Variants in SLC27A1 observed in about 807,000 individuals in gnomAD.
SLC27A1 encodes long-chain fatty acid transport protein 1.
A neutral mutation model predicts 62.2 loss-of-function variants in SLC27A1; 61 were observed. The ratio of observed to expected loss-of-function variants is 0.98; its 90% CI spans 0.80 to 1.21. The LOEUF is 1.21. Ranked by LOEUF, SLC27A1 falls within the 50% of genes most tolerant of loss-of-function variation. The pLI is 0.00. For synonymous variants in SLC27A1, 435 were observed against 408.6 expected (o/e 1.06, Z -0.78); for missense variants, 903 against 932.1 (o/e 0.97, Z 0.41).
chr19:17,500,768 G>C lies in SLC27A1; in HGVS notation c.1528G>C (p.Asp510His). 1 of 1,613,482 alleles carries C rather than the reference G, an allele frequency of 6.2e-7. No individual in the cohort carries two copies. Among genetic ancestry groups the C allele is most frequent in the African/African-American group, 1.3e-5 (1 of 75,046 alleles). Residue 510 changes from aspartate to histidine, a missense_variant, in exon 10 of 12, where the codon GAC (aspartate) becomes CAC (histidine). Physicochemically the swap from Asp to His is moderately conservative, Grantham distance 81. Coordinates refer to ENST00000252595, the MANE Select transcript of SLC27A1 (RefSeq NM_198580.3). ...CATGTACTTCCGGGACCGTAGCGGG[G>C]ACACCTTCCGCTGGCGAGGGGAGAA... Reference protein sequence around the residue: ...GYMYFRDRSGDTFRWRGENVS... With the variant: ...GYMYFRDRSGHTFRWRGENVS...
At chr19:17,485,029 AC>A (rs1424073782) in intron 1 of SLC27A1, among the ~76,000 whole-genome samples, 1 of 152,076 alleles carries the variant, frequency 6.6e-6, no homozygotes, top group Non-Finnish European at 1.5e-5. Context: ...TTACCCCAGT[AC>A]AAGGTTATTG....
chr19:17,501,539 C>A, intron 11 of SLC27A1, 120 bp downstream of exon 11: 1 of 1,388,814 alleles, frequency 7.2e-7, no homozygotes, highest in Non-Finnish European at 9.7e-7. Flanking sequence ...CACGGTGGCT[C>A]ACGCCTGTAA....
Position 17,486,488 on chromosome 19 carries a change from C to T in SLC27A1, c.168-75C>T. The stretch of plus-strand genomic sequence containing the variant: ...CCCTGGCTGCCCTGGGGTCCTCCAG[C>T]GGGGAGGCTGAGGCTCCCAGAGGCC... On this transcript the variant is annotated intron_variant, in intron 1 of 11. Transcript: ENST00000252595. This position sits in a 1 kb window ranked among gnomAD's most constrained non-coding sequence, Gnocchi z 6.6. The T allele has an allele frequency of 2.0e-6, 3 of 1,469,000 alleles. No individual in the cohort carries two copies. The highest frequency in any genetic ancestry group is 1.3e-5 in the South Asian group (1 of 75,160). The allele number at this position is 1,469,000 out of a possible 1,614,324, so 91.0% of individuals were successfully genotyped here.
intron 1 of SLC27A1, among the ~76,000 whole-genome samples, chr19:17,483,298 C>G (rs1048684695): frequency 6.6e-6 from 1 of 152,110 alleles, no homozygotes; most frequent in African/African-American, 2.4e-5. Context: ...TGACCAAGTG[C>G]GGCCCCATTT....
Position 17,487,473 on chromosome 19 carries a change from C to T in SLC27A1, c.738C>T (p.Tyr246=), listed in dbSNP as rs2075248349. The change falls in exon 4 of 12, where the codon TAC becomes TAT. Residue 246 remains tyrosine (Y), a synonymous_variant. Transcript: ENST00000252595. ...PSKGMDDRLF[Y]IYTSGTTGLP... is the part of the protein sequence containing the mutation. ...TATCTCCTGCAGATCGTCTTTTCTACATCTACACGTCGGGGACCACCGGGC... is the reference window on the plus strand; with the variant it reads ...TATCTCCTGCAGATCGTCTTTTCTATATCTACACGTCGGGGACCACCGGGC... The T allele has an allele frequency of 1.3e-6, 2 of 1,582,482 alleles. No individual in the cohort carries two copies. Among genetic ancestry groups the T allele is most frequent in the South Asian group, 2.2e-5 (2 of 90,158 alleles).
Position 17,497,399 on chromosome 19 carries a change from C to T in SLC27A1, c.1141C>T (p.Arg381Cys). Residue 381 changes from arginine (R) to cysteine (C), a missense_variant, in exon 7 of 12, where the codon CGC becomes TGC. Coordinates refer to ENST00000252595, the MANE Select transcript of SLC27A1 (RefSeq NM_198580.3). ...GGAGTTCACGGAGCGCTTCGGCGTA[C>T]GCCAAATCGGGGAGTTCTACGGCGC... ...WEEFTERFGVRQIGEFYGATE... is the reference protein window; with the variant it reads ...WEEFTERFGVCQIGEFYGATE... 4 of 1,605,318 alleles carry T rather than the reference C, an allele frequency of 2.5e-6. No individual in the cohort carries two copies. Among genetic ancestry groups the T allele is most frequent in the African/African-American group, 1.3e-5 (1 of 74,250 alleles).
intron 4 of SLC27A1, chr19:17,488,627 A>G (rs2075261882): frequency 1.7e-6 from 1 of 593,918 alleles, no homozygotes; most frequent in African/African-American, 1.9e-5. Context: ...CCCTGGCTGC[A>G]TTACCATCAG....
chr19:17,489,214 C>CT (rs2075270685), intron 6 of SLC27A1, 97 bp downstream of exon 6: 3 of 1,004,826 alleles, frequency 3.0e-6, no homozygotes, highest in Non-Finnish European at 4.5e-6. Context: ...AGGCCCCGTA[C>CT]CTCCCAGCAA....
At chr19:17,487,561 C>A (rs759661076) in intron 4 of SLC27A1, 32 bp downstream of exon 4, 1 of 1,601,114 alleles carries the variant, frequency 6.2e-7, no homozygotes, top group East Asian at 2.2e-5. Context: ...TGCCCTCAGC[C>A]GCTGAGAGTG....
rs1420995796 is a variant in SLC27A1 at position 17,486,314 on chromosome 19, A to T, written c.168-249A>T. ...GGCCCCAGCTCCCCCAGGGCCACCA[A>T]GCCAGCTGGGGTATGGGGGAGGACA... On this transcript the variant is annotated intron_variant, in intron 1 of 11. Transcript: ENST00000252595. The surrounding 1 kb of genome is among the most constrained non-coding windows in gnomAD (Gnocchi z 6.6). Among the ~76,000 whole-genome samples, 1 of 152,214 alleles carries T rather than the reference A, an allele frequency of 6.6e-6. No homozygotes were observed. Among genetic ancestry groups the T allele is most frequent in the East Asian group, 1.9e-4 (1 of 5,200 alleles).
intron 6 of SLC27A1, among the ~76,000 whole-genome samples, chr19:17,489,465 C>T (rs762076181): frequency 6.7e-6 from 1 of 148,770 alleles, no homozygotes; most frequent in Non-Finnish European, 1.5e-5. Flanking sequence ...AGAGCTAAAC[C>T]CTCCACGTGT....
intron 7 of SLC27A1, chr19:17,499,735 C>G (rs1232527103): frequency 1.3e-5 from 2 of 152,188 alleles, no homozygotes; most frequent in African/African-American, 4.8e-5. Context: ...ACCACTTGAA[C>G]GTGGGAGGCA....
At chr19:17,504,040 G>T (rs896420187) in intron 11 of SLC27A1, among the ~76,000 whole-genome samples, 1 of 151,344 alleles carries the variant, frequency 6.6e-6, no homozygotes, top group Non-Finnish European at 1.5e-5. Flanking sequence ...CTGCCTTGGC[G>T]TCCCAAAGTA....
chr19:17,501,527 G>A, intron 11 of SLC27A1, 108 bp downstream of exon 11: 1 of 1,459,254 alleles, frequency 6.9e-7, no homozygotes, highest in Non-Finnish European at 9.2e-7. Flanking sequence ...GCCGGGGCCA[G>A]GCACGGTGGC....
chr19:17,470,776 G>C (rs2075068391), intron 1 of SLC27A1, 69 bp downstream of exon 1: 1 of 1,416,272 alleles, frequency 7.1e-7, no homozygotes, highest in African/African-American at 1.5e-5. Flanking sequence ...ACGGTGCAGG[G>C]CTGGGTTGCG....
intron 10 of SLC27A1, 130 bp downstream of exon 10, chr19:17,501,006 A>G: frequency 8.6e-7 from 1 of 1,162,630 alleles, no homozygotes. Flanking sequence ...CCCAGGAGGA[A>G]GCACTGGATC....
At chr19:17,476,482 G>A (rs546442315) in intron 1 of SLC27A1, among the ~76,000 whole-genome samples, 1 of 149,466 alleles carries the variant, frequency 6.7e-6, no homozygotes, top group African/African-American at 2.5e-5. Context: ...AGGTTGCAGT[G>A]AGCTGAGGTG....
intron 7 of SLC27A1, chr19:17,497,679 T>C (rs2075365705): frequency 3.3e-6 from 2 of 612,942 alleles, no homozygotes. Context: ...CATGTGACTG[T>C]GGTCCTTGGG....
chr19:17,478,732 C>T (rs2075148149), intron 1 of SLC27A1, among the ~76,000 whole-genome samples: 2 of 152,032 alleles, frequency 1.3e-5, no homozygotes, highest in Non-Finnish European at 2.9e-5. Flanking sequence ...TGGTGTACGC[C>T]TGTAGTCCCA....
Sources: gnomAD v4.1 joint callset for allele counts (sites outside exome capture counted in the v4.1 genomes callset) on GRCh38, gnomAD v4.1.1 for gene constraint, Gnocchi (gnomAD v3.1) non-coding constraint, MANE v1.5 for transcripts, NCBI Gene and HGNC (gene_info 2026-07-23, HGNC 2026-07-21) for gene names.